AGAP1: variants seen among roughly 807,000 people sequenced by gnomAD.
AGAP1 encodes the protein ArfGAP with GTPase domain, ankyrin repeat and PH domain 1.
In AGAP1, 29 loss-of-function variants were observed where a neutral mutation model predicts 105.3. That is an observed-to-expected ratio of 0.28 (90% CI 0.21 to 0.38). The LOEUF (loss-of-function observed/expected upper bound fraction) is 0.38, where lower values mean the gene tolerates loss of function less well. Among genes scored for constraint, AGAP1 ranks in the 10% least tolerant of loss-of-function variants. AGAP1 has a pLI of 1.00. For synonymous variants in AGAP1, 509 were observed against 485.9 expected (o/e 1.05, Z -0.63); for missense variants, 998 against 1,165.1 (o/e 0.86, Z 2.09).
Position 236,089,677 on chromosome 2 carries a change from A to G in AGAP1, c.2115-30515A>G, listed in dbSNP as rs1337873450. On this transcript the variant is annotated intron_variant, in intron 16 of 17. Coordinates refer to ENST00000304032, the MANE Select transcript of AGAP1 (RefSeq NM_001037131.3). The surrounding 1 kb of genome is among the most constrained non-coding windows in gnomAD (Gnocchi z 5.6). The stretch of plus-strand genomic sequence containing the variant: ...CCCTCTGCAAATTTCTGATTCCTGT[A>G]CAGTCAGCATTAATATGCTGCTTTT... Among the ~76,000 whole-genome samples, 11 of 152,258 alleles carry G rather than the reference A, an allele frequency of 7.2e-5. No homozygotes were observed. The highest frequency in any genetic ancestry group is 3.9e-4 in the Admixed American group (6 of 15,292).
chr2:235,773,252 GC>G (rs1955597619), intron 6 of AGAP1, among the ~76,000 whole-genome samples: 1 of 152,102 alleles, frequency 6.6e-6, no homozygotes, highest in Admixed American at 6.5e-5. Context: ...TGAAGTCATG[GC>G]CCCCAGTCAG....
intron 13 of AGAP1, among the ~76,000 whole-genome samples, chr2:236,023,920 C>T (rs2056965007): frequency 6.6e-6 from 1 of 152,074 alleles, no homozygotes; most frequent in African/African-American, 2.4e-5. Context: ...CATTGAAGAA[C>T]TTGGAGTAAG....
At position 235,730,573 on chromosome 2, in the gene AGAP1, T is replaced by C. The variant is rs1466696933; in HGVS notation, c.311-10390T>C. ...CATAGCCCACTATACCTTGAACTCC[T>C]GGGTTCAAGCGATCTTCTTGACTTG... On this transcript the variant is annotated intron_variant, in intron 3 of 17. Transcript: ENST00000304032. 1.1e-4 allele frequency among the ~76,000 whole-genome samples: 17 copies of C among 150,734 alleles called. 1 individual carries two copies. The highest frequency in any genetic ancestry group is 1.1e-3 in the Admixed American group (17 of 15,176).
At position 235,879,288 on chromosome 2, in the gene AGAP1, C is replaced by T. The variant is rs1421672856; in HGVS notation, c.1051-4057C>T. Among the ~76,000 whole-genome samples the T allele has an allele frequency of 6.6e-6, 1 of 152,174 alleles. No individual in the cohort carries two copies. Among genetic ancestry groups the T allele is most frequent in the Non-Finnish European group, 1.5e-5 (1 of 68,040 alleles). Reference sequence around the variant, plus strand: ...GCCACTGAAAGAAAAGTGCACCTGCCCCAGCCCAGCTAGACCACAGCCATG... The same window carrying T: ...GCCACTGAAAGAAAAGTGCACCTGCTCCAGCCCAGCTAGACCACAGCCATG... On this transcript the variant is annotated intron_variant, in intron 9 of 17. Coordinates refer to ENST00000304032, the MANE Select transcript of AGAP1 (RefSeq NM_001037131.3). The surrounding 1 kb of genome is among the most constrained non-coding windows in gnomAD (Gnocchi z 5.0).
At chr2:235,999,121 A>G (rs1429537947) in intron 13 of AGAP1, among the ~76,000 whole-genome samples, 4 of 135,882 alleles carry the variant, frequency 2.9e-5, no homozygotes, top group African/African-American at 1.1e-4. Flanking sequence ...GGTGGTGACA[A>G]TGATAGTGAT....
At chr2:235,848,332 C>T (rs1008562989) in intron 9 of AGAP1, among the ~76,000 whole-genome samples, 2 of 152,224 alleles carry the variant, frequency 1.3e-5, no homozygotes, top group South Asian at 2.1e-4. Context: ...ACTCCACCCA[C>T]ACCCAGCACA....
intron 6 of AGAP1, among the ~76,000 whole-genome samples, chr2:235,778,079 A>G (rs890120554): frequency 1.3e-5 from 2 of 151,876 alleles, no homozygotes; most frequent in African/African-American, 4.8e-5. Context: ...TGAGACTTAA[A>G]TATCAGCTGT....
Position 236,019,294 on chromosome 2 carries a change from C to G in AGAP1, c.1646-17267C>G, listed in dbSNP as rs115642061. Among the ~76,000 whole-genome samples, 1,118 of 152,276 alleles carry G rather than the reference C, an allele frequency of 7.3e-3. 11 individuals are homozygous for G. The highest frequency in any genetic ancestry group is 0.026 in the African/African-American group (1,061 of 41,568). On this transcript the variant is annotated intron_variant, in intron 13 of 17. Coordinates refer to ENST00000304032, the MANE Select transcript of AGAP1 (RefSeq NM_001037131.3). ...GGTAAGGGTGCACCCGCCCACTGCC[C>G]TCAGGGAGCTTACTGTCAGTCTAGG...
intron 13 of AGAP1, among the ~76,000 whole-genome samples, chr2:236,018,608 TAAAGG>T (rs2056787469): frequency 6.6e-6 from 1 of 152,228 alleles, no homozygotes; most frequent in African/African-American, 2.4e-5. Context: ...CCTAAATAGA[TAAAGG>T]AGAGAGGTGT....
In AGAP1 at chr2:235,725,770, C is replaced by T. The variant is rs1412626490; in HGVS notation, c.310+8126C>T. ...ACCTGATCACTCACCATGGAAATAC[C>T]ATTCCCCTTTGTTCTTGTCTTCCTA... On this transcript the variant is annotated intron_variant, in intron 3 of 17. Transcript: ENST00000304032. This position sits in a 1 kb window ranked among gnomAD's most constrained non-coding sequence, Gnocchi z 5.7. 3.3e-5 allele frequency among the ~76,000 whole-genome samples: 5 copies of T among 152,308 alleles called. No homozygotes were observed. The East Asian group carries it at 9.6e-4, about 29-fold the overall frequency.
chr2:235,913,347 T>G (rs2051713382), intron 11 of AGAP1, among the ~76,000 whole-genome samples: 1 of 152,216 alleles, frequency 6.6e-6, no homozygotes. Flanking sequence ...TAGCCCCTAA[T>G]CCACCTTTAA....
chr2:235,552,590 A>C lies in AGAP1; in HGVS notation c.163+57741A>C, dbSNP rs903090880. Among the ~76,000 whole-genome samples the C allele has an allele frequency of 2.0e-5, 3 of 152,102 alleles. No homozygotes were observed. Among genetic ancestry groups the C allele is most frequent in the Non-Finnish European group, 2.9e-5 (2 of 68,028 alleles). ...ATGTGTGTAGGGGGATGCTGCTCCC[A>C]TTGGCCAGGCACTGGGGATGCGGCG... On this transcript the variant is annotated intron_variant, in intron 1 of 17. Coordinates refer to ENST00000304032, the MANE Select transcript of AGAP1 (RefSeq NM_001037131.3). The surrounding 1 kb of genome is among the most constrained non-coding windows in gnomAD (Gnocchi z 5.9).
At chr2:235,952,418 T>G (rs2053776913) in intron 12 of AGAP1, among the ~76,000 whole-genome samples, 1 of 152,228 alleles carries the variant, frequency 6.6e-6, no homozygotes, top group African/African-American at 2.4e-5. Flanking sequence ...TTTCCTGTAT[T>G]TTTATCAAAA....
At chr2:236,067,633 T>C (rs1208643275) in intron 16 of AGAP1, among the ~76,000 whole-genome samples, 2 of 152,208 alleles carry the variant, frequency 1.3e-5, no homozygotes, top group African/African-American at 2.4e-5. Flanking sequence ...TATGTTACTA[T>C]GCGCTAGATG....
At position 235,700,348 on chromosome 2, in the gene AGAP1, G is replaced by A. The variant is rs114679135; in HGVS notation, c.164-8831G>A. ...GGAAAGGGCAATTTTCTTCCTTGCCGTTTTGACTTTCAAATCCTCACGCCC... is the reference window on the plus strand; with the variant it reads ...GGAAAGGGCAATTTTCTTCCTTGCCATTTTGACTTTCAAATCCTCACGCCC... On this transcript the variant is annotated intron_variant, in intron 1 of 17. Transcript: ENST00000304032. This position sits in a 1 kb window ranked among gnomAD's most constrained non-coding sequence, Gnocchi z 6.1. 4.5e-3 allele frequency among the ~76,000 whole-genome samples: 678 copies of A among 152,268 alleles called. 6 individuals carry two copies. The highest frequency in any genetic ancestry group is 0.015 in the African/African-American group (621 of 41,550).
At chr2:235,607,442 G>A (rs1945982007) in intron 1 of AGAP1, among the ~76,000 whole-genome samples, 1 of 152,230 alleles carries the variant, frequency 6.6e-6, no homozygotes, top group African/African-American at 2.4e-5. Context: ...ACAGCAACAA[G>A]CAAACTCACA....
rs1943741747 is a variant in AGAP1 at position 235,549,713 on chromosome 2, C to T, written c.163+54864C>T. Among the ~76,000 whole-genome samples, 1 of 152,226 alleles carries T rather than the reference C, an allele frequency of 6.6e-6. No individual in the cohort carries two copies. The highest frequency in any genetic ancestry group is 2.1e-4 in the South Asian group (1 of 4,832). The stretch of plus-strand genomic sequence containing the variant: ...TGTATTGATACTTTACGAGCATTCA[C>T]ATGCATTTAAGAGTGCTCTTAGCAG... On this transcript the variant is annotated intron_variant, in intron 1 of 17. Coordinates refer to ENST00000304032, the MANE Select transcript of AGAP1 (RefSeq NM_001037131.3). This position sits in a 1 kb window ranked among gnomAD's most constrained non-coding sequence, Gnocchi z 4.2.
At position 235,601,194 on chromosome 2, in the gene AGAP1, A is replaced by G. The variant is rs969933710; in HGVS notation, c.163+106345A>G. 6.6e-6 allele frequency among the ~76,000 whole-genome samples: 1 copy of G among 152,166 alleles called. No individual in the cohort carries two copies. The highest frequency in any genetic ancestry group is 1.5e-5 in the Non-Finnish European group (1 of 68,036). On this transcript the variant is annotated intron_variant, in intron 1 of 17. Coordinates refer to ENST00000304032, the MANE Select transcript of AGAP1 (RefSeq NM_001037131.3). The surrounding 1 kb of genome is among the most constrained non-coding windows in gnomAD (Gnocchi z 4.4). ...TCAGTTTGTAGAAGTTGAAAGTCCA[A>G]GGTCAAGGTGGCGTTTCTGGTGGGG...
In AGAP1 at chr2:235,865,398, C is replaced by A. The variant is rs773676392; in HGVS notation, c.1051-17947C>A. ...CGCAAATAGGGCACCCACAGTAACACGTGTGGCGCCGACCCCGCCGTGCGC... is the reference window on the plus strand; with the variant it reads ...CGCAAATAGGGCACCCACAGTAACAAGTGTGGCGCCGACCCCGCCGTGCGC... On this transcript the variant is annotated intron_variant, in intron 9 of 17. Transcript: ENST00000304032. This position sits in a 1 kb window ranked among gnomAD's most constrained non-coding sequence, Gnocchi z 6.2. 6.6e-6 allele frequency among the ~76,000 whole-genome samples: 1 copy of A among 152,212 alleles called. No individual in the cohort carries two copies. The highest frequency in any genetic ancestry group is 1.5e-5 in the Non-Finnish European group (1 of 68,046).
Sources: gnomAD v4.1 joint callset for allele counts (sites outside exome capture counted in the v4.1 genomes callset) on GRCh38, gnomAD v4.1.1 for gene constraint, Gnocchi (gnomAD v3.1) non-coding constraint, MANE v1.5 for transcripts, NCBI Gene and HGNC (gene_info 2026-07-23, HGNC 2026-07-21) for gene names.